BCOR: variants seen among roughly 807,000 people sequenced by gnomAD.
The protein encoded by BCOR is BCL-6 corepressor.
In BCOR, 10 loss-of-function variants were observed where a neutral mutation model predicts 86.7. That is an observed-to-expected ratio of 0.12 (90% CI 0.07 to 0.20). BCOR has a LOEUF of 0.20. Among genes scored for constraint, BCOR ranks in the 10% least tolerant of loss-of-function variants. The probability of loss-of-function intolerance (pLI) is 1.00; values close to 1 mark genes in which losing one functional copy is unlikely to be tolerated. For synonymous variants in BCOR, 611 were observed against 609.0 expected, an observed-to-expected ratio of 1.00 and a Z score of -0.05; for missense variants, 1,259 against 1,452.1, an observed-to-expected ratio of 0.87 and a Z score of 2.16.
At chrX:40,161,169 G>A (rs1392209530) in intron 1 of BCOR, among the ~76,000 whole-genome samples, 12 of 105,717 alleles carry the variant, frequency 1.1e-4, no homozygotes, top group Non-Finnish European at 2.1e-4. Flanking sequence ...CACCATGCCC[G>A]GCTAATTTTT....
rs750330961 is a variant in BCOR, at chrX:40,053,972, G to C, written c.4890C>G (p.Asp1630Glu). 8.3e-7 allele frequency: 1 copy of C among 1,210,941 alleles called. No individual in the cohort carries two copies. The highest frequency in any genetic ancestry group is 1.8e-5 in the South Asian group (1 of 56,918). The change falls in exon 14 of 15, where the codon GAC becomes GAG. Residue 1630 changes from aspartate (D) to glutamate (E), a missense_variant. Asp to Glu is a conservative substitution (Grantham distance 45). Around this residue, in one of 7 missense-constraint regions of BCOR, gnomAD observed 137 missense variants for 149.8 expected, o/e 0.91. Coordinates refer to ENST00000378444, the MANE Select transcript of BCOR (RefSeq NM_001123385.2). ...ATTCAAACACATCGCTATAGGCATC[G>C]TCATCATCATCCTGGTCTTCTGGTC... ...PPGPEDQDDDDDAYSDVFEFE... is the reference protein window; with the variant it reads ...PPGPEDQDDDEDAYSDVFEFE...
chrX:40,064,042 G>T (rs1408576202), intron 7 of BCOR, 90 bp from the exon 8 acceptor site: 4 of 627,134 alleles, frequency 6.4e-6, no homozygotes, highest in East Asian at 7.4e-5. Flanking sequence ...GGGGAGGGGG[G>T]GTGTGGTCAC....
intron 1 of BCOR, among the ~76,000 whole-genome samples, chrX:40,154,066 G>C (rs1938229703): frequency 8.9e-6 from 1 of 112,194 alleles, no homozygotes; most frequent in Non-Finnish European, 1.9e-5. Context: ...ACAAAGGGAG[G>C]CGGCGGGGGA....
At chrX:40,176,963 A>G (rs1306366402) in intron 1 of BCOR, 1 of 68,187 alleles carries the variant, frequency 1.5e-5, no homozygotes, top group African/African-American at 5.7e-5. Context: ...ACCCCACCCC[A>G]CCCCCTACCT....
In BCOR at chrX:40,051,844, G is replaced by A; in HGVS notation, c.*265C>T. 3.6e-6 allele frequency: 1 copy of A among 274,349 alleles called. No homozygotes were observed. Among genetic ancestry groups the A allele is most frequent in the Non-Finnish European group, 6.4e-6 (1 of 155,624 alleles). The allele number at this position is 274,349 out of a possible 1,213,427, so 22.6% of individuals were successfully genotyped here. ...TCCTTAAAAAAGAAAAGAAACAAATGTTCCAAGTAAAAACAAACGTATCCC... is the reference window on the plus strand; with the variant it reads ...TCCTTAAAAAAGAAAAGAAACAAATATTCCAAGTAAAAACAAACGTATCCC... On this transcript the variant is annotated 3_prime_UTR_variant, in exon 15 of 15. Coordinates refer to ENST00000378444, the MANE Select transcript of BCOR (RefSeq NM_001123385.2).
chrX:40,061,639 C>G (rs938424504), intron 10 of BCOR, among the ~76,000 whole-genome samples: 1 of 103,109 alleles, frequency 9.7e-6, no homozygotes, highest in African/African-American at 3.6e-5. Context: ...CTGTACCCCC[C>G]CACTCAGAAA....
chrX:40,072,321 T>C (rs892042685), intron 4 of BCOR, 28 bp downstream of exon 4: 1 of 1,193,842 alleles, frequency 8.4e-7, no homozygotes, highest in Non-Finnish European at 1.1e-6. Context: ...ACTGGTAAAG[T>C]AACTGAAATT....
chrX:40,077,717 C>T (rs1935876231), intron 2 of BCOR, 127 bp downstream of exon 2: 5 of 564,321 alleles, frequency 8.9e-6, no homozygotes, highest in East Asian at 7.2e-5. Flanking sequence ...AAATCAAGAG[C>T]GGCCTACTAG....
In BCOR at chrX:40,064,357, T is replaced by G. The variant is rs770358729; in HGVS notation, c.3481A>C (p.Lys1161Gln). 8.2e-7 allele frequency: 1 copy of G among 1,212,382 alleles called. No homozygotes were observed. Among genetic ancestry groups the G allele is most frequent in the South Asian group, 1.8e-5 (1 of 57,037 alleles). The change falls in exon 7 of 15, where the codon AAA (lysine) becomes CAA (glutamine). Residue 1161 changes from lysine (K) to glutamine (Q), a missense_variant. Lys to Gln is a moderately conservative substitution (Grantham distance 53, BLOSUM62 1). Coordinates refer to ENST00000378444, the MANE Select transcript of BCOR (RefSeq NM_001123385.2). ...EVPEDPLLKAKRRRVSKDDWP... is the reference protein window; with the variant it reads ...EVPEDPLLKAQRRRVSKDDWP... ...TCACCTTTAGAGACTCGTCGGCGTT[T>G]GGCTTTCAGCAGAGGGTCCTCTGGC...
intron 1 of BCOR, among the ~76,000 whole-genome samples, chrX:40,080,892 G>A (rs1936064234): frequency 9.7e-6 from 1 of 103,019 alleles, no homozygotes; most frequent in Non-Finnish European, 2.0e-5. Context: ...TGGAGGATGG[G>A]GCTGAACATA....
At chrX:40,158,413 G>A (rs1938344740) in intron 1 of BCOR, among the ~76,000 whole-genome samples, 1 of 112,178 alleles carries the variant, frequency 8.9e-6, no homozygotes, top group Non-Finnish European at 1.9e-5. Flanking sequence ...CTGCCGCGCG[G>A]GCGTTCCCGG....
chrX:40,135,678 C>T (rs902648962), intron 1 of BCOR, among the ~76,000 whole-genome samples: 20 of 111,793 alleles, frequency 1.8e-4, no homozygotes, highest in African/African-American at 6.5e-4. Flanking sequence ...GTGTGAGCCA[C>T]CGCGCCCGGC....
At chrX:40,172,409 G>A (rs1044899068) in intron 1 of BCOR, among the ~76,000 whole-genome samples, 2 of 113,018 alleles carry the variant, frequency 1.8e-5, no homozygotes, top group Non-Finnish European at 1.9e-5. Flanking sequence ...AGACCTTGGG[G>A]GGAAAGAGGG....
chrX:40,094,122 AC>A (rs1427421994), intron 1 of BCOR, among the ~76,000 whole-genome samples: 2 of 108,948 alleles, frequency 1.8e-5, no homozygotes, highest in African/African-American at 6.7e-5. Context: ...CTATTACACT[AC>A]CCCACCACGG....
At chrX:40,164,552 T>C (rs1391835704) in intron 1 of BCOR, among the ~76,000 whole-genome samples, 1 of 111,588 alleles carries the variant, frequency 9.0e-6, no homozygotes, top group Admixed American at 9.5e-5. Flanking sequence ...TGATCTCACA[T>C]TTTCCCTAGA....
rs947946150 is a variant in BCOR, at chrX:40,077,864, C to A, written c.66G>T (p.Met22Ile). 2 of 1,210,970 alleles carry A rather than the reference C, an allele frequency of 1.7e-6. No individual in the cohort carries two copies. Among genetic ancestry groups the A allele is most frequent in the Non-Finnish European group, 1.1e-6 (1 of 895,258 alleles). The change falls in exon 2 of 15, where the codon ATG becomes ATT. Residue 22 changes from methionine to isoleucine, a missense_variant. Physicochemically the swap from Met to Ile is conservative, Grantham distance 10 (BLOSUM62 1). Transcript: ENST00000378444. The part of the protein sequence containing the change: ...HSWMNSERVR[M>I]CGASEDRKIL... Reference sequence around the variant, plus strand: ...TTCACCTGTCTTCGCTCGCCCCACACATGCGGACCCTCTCGCTGTTCATCC... The same window carrying A: ...TTCACCTGTCTTCGCTCGCCCCACAAATGCGGACCCTCTCGCTGTTCATCC...
intron 1 of BCOR, among the ~76,000 whole-genome samples, chrX:40,140,084 G>C (rs1305628851): frequency 9.0e-6 from 1 of 110,577 alleles, no homozygotes; most frequent in African/African-American, 3.3e-5. Flanking sequence ...GCTGCTGGGA[G>C]TATGAGGGAG....
intron 1 of BCOR, among the ~76,000 whole-genome samples, chrX:40,133,437 T>C (rs112921855): frequency 2.3e-5 from 2 of 88,325 alleles, no homozygotes; most frequent in African/African-American, 8.4e-5. Context: ...CCCCCGGCCA[T>C]CTACTTCAAT....
At chrX:40,106,242 G>A (rs1198945842) in intron 1 of BCOR, among the ~76,000 whole-genome samples, 2 of 97,378 alleles carry the variant, frequency 2.1e-5, no homozygotes, top group African/African-American at 7.5e-5. Context: ...GGCCCGGCCC[G>A]GGAAGGCGTT....
Sources: gnomAD v4.1 joint callset for allele counts (sites outside exome capture counted in the v4.1 genomes callset) on GRCh38, gnomAD v4.1.1 for gene constraint, gnomAD v4.1.1 regional missense constraint, MANE v1.5 for transcripts, NCBI Gene and HGNC (gene_info 2026-07-23, HGNC 2026-07-21) for gene names.